SLC30A8: variants seen among roughly 807,000 people sequenced by gnomAD.
The protein encoded by SLC30A8 is proton-coupled zinc antiporter SLC30A8.
Under a neutral mutation model 36.9 loss-of-function variants are expected in SLC30A8, and 27 were observed. The observed-to-expected ratio is 0.73, with a 90% CI of 0.54 to 1.01. The LOEUF (loss-of-function observed/expected upper bound fraction) is 1.01, where lower values mean the gene tolerates loss of function less well. Among genes scored for constraint, SLC30A8 ranks in the 50% least tolerant of loss-of-function variants. The pLI is 0.00. For missense variants in SLC30A8, 439 were observed against 452.0 expected (o/e 0.97, Z 0.26); for synonymous variants, 164 against 172.4 (o/e 0.95, Z 0.38).
At chr8:116,952,414 A>G (rs1814025500) in intron 1 of SLC30A8, among the ~76,000 whole-genome samples, 1 of 152,180 alleles carries the variant, frequency 6.6e-6, no homozygotes, top group Admixed American at 6.5e-5. Context: ...CCTTGAAGGC[A>G]TCATGGCCCC....
At chr8:117,060,961 C>G (rs1460611729) in intron 2 of SLC30A8, among the ~76,000 whole-genome samples, 1 of 151,174 alleles carries the variant, frequency 6.6e-6, no homozygotes, top group African/African-American at 2.4e-5. Flanking sequence ...TTTTCTTTCT[C>G]TACGTTTGAG....
rs185405137 is a variant in SLC30A8, at chr8:117,158,806, A to G, written c.572+962A>G. 2.0e-5 allele frequency among the ~76,000 whole-genome samples: 3 copies of G among 152,354 alleles called. No individual in the cohort carries two copies. In the East Asian group the frequency reaches 5.8e-4, roughly 29 times the overall value. ...CATCTATCTATCTAGTGATCTAGCT[A>G]GCTATCGTGTTGGTGGACAGAATAA... is the stretch of plus-strand genomic sequence containing the variant. On this transcript the variant is annotated intron_variant, in intron 4 of 7. Coordinates refer to ENST00000456015, the MANE Select transcript of SLC30A8 (RefSeq NM_173851.3).
At chr8:117,030,016 C>T (rs148988662) in intron 1 of SLC30A8, among the ~76,000 whole-genome samples, 1 of 152,140 alleles carries the variant, frequency 6.6e-6, no homozygotes, top group East Asian at 1.9e-4. Context: ...GAAAATGTAG[C>T]ATTTAATAAG....
At chr8:117,094,753 GC>G (rs1488130807) in intron 2 of SLC30A8, among the ~76,000 whole-genome samples, 2 of 152,196 alleles carry the variant, frequency 1.3e-5, no homozygotes, top group Admixed American at 1.3e-4. Flanking sequence ...CCACCCAGGA[GC>G]CTGTCTGCCT....
chr8:117,166,145 C>T lies in SLC30A8; in HGVS notation c.829+2615C>T, dbSNP rs564339867. On this transcript the variant is annotated intron_variant, in intron 6 of 7. Transcript: ENST00000456015. Reference sequence around the variant, plus strand: ...AAGATATTGAACATTCCCAATACAACGAAATAATAAATGTATGAGATGATG... The same window carrying T: ...AAGATATTGAACATTCCCAATACAATGAAATAATAAATGTATGAGATGATG... Among the ~76,000 whole-genome samples the T allele has an allele frequency of 1.1e-4, 17 of 152,128 alleles. No individual in the cohort carries two copies. The East Asian group carries it at 2.5e-3, about 23-fold the overall frequency.
intron 1 of SLC30A8, among the ~76,000 whole-genome samples, chr8:116,998,123 A>T (rs868364142): frequency 3.7e-4 from 57 of 152,250 alleles, no homozygotes; most frequent in Admixed American, 3.4e-3. Flanking sequence ...CTTCAAGGTG[A>T]TGTAGTAGAC....
intron 1 of SLC30A8, among the ~76,000 whole-genome samples, chr8:116,998,582 A>G (rs1586378939): frequency 6.6e-6 from 1 of 152,090 alleles, no homozygotes; most frequent in Admixed American, 6.5e-5. Context: ...TCAGAATGTG[A>G]TCTTATATGG....
At chr8:117,097,808 TTAAA>T (rs1209933460) in intron 2 of SLC30A8, among the ~76,000 whole-genome samples, 2,799 of 26,332 alleles carry the variant, frequency 0.11, no homozygotes, top group Non-Finnish European at 0.16. Context: ...ATATATAATT[TTAAA>T]TAAATATATA....
At chr8:117,124,769 TG>T (rs1366904259) in intron 2 of SLC30A8, among the ~76,000 whole-genome samples, 2 of 151,308 alleles carry the variant, frequency 1.3e-5, no homozygotes, top group Admixed American at 6.6e-5. Context: ...TACATAAAGA[TG>T]AGAACCATAG....
chr8:117,082,657 A>G (rs1244697659), intron 2 of SLC30A8, among the ~76,000 whole-genome samples: 1 of 152,214 alleles, frequency 6.6e-6, no homozygotes, highest in African/African-American at 2.4e-5. Context: ...AATAATGTAG[A>G]GTTCAGGACT....
At chr8:117,119,245 G>A (rs1207560756) in intron 2 of SLC30A8, among the ~76,000 whole-genome samples, 1 of 151,892 alleles carries the variant, frequency 6.6e-6, no homozygotes, top group Non-Finnish European at 1.5e-5. Flanking sequence ...GCAACTCCCA[G>A]CTTTGGCTGT....
At chr8:117,146,529 T>C (rs1821900725) in intron 1 of SLC30A8, among the ~76,000 whole-genome samples, 1 of 152,216 alleles carries the variant, frequency 6.6e-6, no homozygotes, top group Non-Finnish European at 1.5e-5. Flanking sequence ...ATGATGTTGA[T>C]GTGTATTTGA....
chr8:117,103,544 G>T (rs552484582), intron 2 of SLC30A8, among the ~76,000 whole-genome samples: 3 of 152,206 alleles, frequency 2.0e-5, no homozygotes, highest in African/African-American at 7.2e-5. Context: ...ATGTGATCTT[G>T]GCTCACTGCA....
At chr8:117,172,056 T>C (rs1399088946) in intron 7 of SLC30A8, among the ~76,000 whole-genome samples, 1 of 152,054 alleles carries the variant, frequency 6.6e-6, no homozygotes, top group African/African-American at 2.4e-5. Flanking sequence ...GCTGATAGCA[T>C]TTGGGACAGG....
intron 2 of SLC30A8, among the ~76,000 whole-genome samples, chr8:117,152,596 CTT>C (rs1467534605): frequency 6.6e-6 from 1 of 152,166 alleles, no homozygotes; most frequent in Non-Finnish European, 1.5e-5. Flanking sequence ...TTATGAGACT[CTT>C]TGAATCTGAC....
rs553482949 is a variant in SLC30A8 at position 117,039,894 on chromosome 8, A to G, written c.-226+636A>G. 2.0e-5 allele frequency among the ~76,000 whole-genome samples: 3 copies of G among 152,278 alleles called. No individual in the cohort carries two copies. In the East Asian group the frequency reaches 5.8e-4, roughly 29 times the overall value. ...AGCTTTTGATTTTTTTCTGACCTCT[A>G]GACCTTTCTAGGCCTTTTGATAAAT... On this transcript the variant is annotated intron_variant, in intron 2 of 10. Coordinates refer to the SLC30A8 transcript ENST00000427715.
intron 2 of SLC30A8, among the ~76,000 whole-genome samples, chr8:117,100,788 G>C (rs1289039546): frequency 2.0e-5 from 3 of 152,120 alleles, no homozygotes; most frequent in African/African-American, 7.2e-5. Flanking sequence ...TACTCATTTA[G>C]TCTTTTTTTC....
chr8:117,151,222 G>A (rs1195476718), intron 2 of SLC30A8, among the ~76,000 whole-genome samples: 2 of 152,200 alleles, frequency 1.3e-5, no homozygotes, highest in East Asian at 3.9e-4. Flanking sequence ...TCCCAGTGAG[G>A]GCAGCTCTCT....
upstream of SLC30A8, among the ~76,000 whole-genome samples, chr8:117,130,519 C>CTAT (rs148782579): frequency 9.0e-3 from 1,370 of 151,610 alleles, 25 homozygotes; most frequent in African/African-American, 0.031. Context: ...CAAGAGGGCT[C>CTAT]TATTATTATT....
Sources: allele counts gnomAD v4.1 joint callset (sites outside exome capture counted in the v4.1 genomes callset), GRCh38; gene constraint gnomAD v4.1.1; transcripts MANE v1.5; gene names NCBI Gene and HGNC (gene_info 2026-07-23, HGNC 2026-07-21).